Variants in ANK2 observed in about 807,000 individuals in gnomAD.
ANK2 encodes ankyrin 2.
Under a neutral mutation model 360.5 loss-of-function variants are expected in ANK2, and 83 were observed. The observed-to-expected ratio is 0.23, with a 90% confidence interval of 0.19 to 0.28. The LOEUF (loss-of-function observed/expected upper bound fraction) is 0.28. Ranked by LOEUF, ANK2 falls within the 10% of genes least tolerant of loss-of-function variation. The pLI is 1.00. For synonymous variants in ANK2, 1,740 were observed against 1,759.5 expected, an observed-to-expected ratio of 0.99 and a Z score of 0.28; for missense variants, 4,201 against 4,795.7, an observed-to-expected ratio of 0.88 and a Z score of 3.66.
At chr4:112,877,002 G>T (rs1183074223) in intron 1 of ANK2, among the ~76,000 whole-genome samples, 2 of 151,976 alleles carry the variant, frequency 1.3e-5, no homozygotes, top group Non-Finnish European at 2.9e-5. Context: ...CCCTTCCTCT[G>T]AGCAGATGAC....
chr4:112,762,940 A>G, the ANK2 span, among the ~76,000 whole-genome samples: 4 of 152,218 alleles, frequency 2.6e-5, no homozygotes, highest in Non-Finnish European at 5.9e-5. Context: ...TTTACTGTTA[A>G]AACCTTACGT....
At chr4:112,906,956 T>C (rs937356206) in intron 2 of ANK2, among the ~76,000 whole-genome samples, 2 of 152,230 alleles carry the variant, frequency 1.3e-5, no homozygotes, top group Non-Finnish European at 2.9e-5. Context: ...TAAGAAAGAT[T>C]TGACTCTTCT....
rs749476928 is a variant in ANK2 at position 113,365,142 on chromosome 4, T to C, written c.10992T>C (p.Tyr3664=). ...TCCAGGAGCGCATCAGTCATAGTTA[T>C]GCAGAAATTGAACAGACCATTACAC... ...EPLQERISHS[Y]AEIEQTITLD... The change falls in exon 41 of 46, where the codon TAT becomes TAC. Residue 3664 remains tyrosine (Y), a synonymous_variant. Coordinates refer to ENST00000357077, the MANE Select transcript of ANK2 (RefSeq NM_001148.6). The C allele has an allele frequency of 2.5e-5, 41 of 1,614,002 alleles. No homozygotes were observed. In the East Asian group the frequency reaches 3.3e-4, roughly 13 times the overall value.
At chr4:113,378,185 TGGGTTAGCATG>T (rs1223233106) in intron 45 of ANK2, 1 of 1,232,544 alleles carries the variant, frequency 8.1e-7, no homozygotes, top group African/African-American at 1.6e-5. Context: ...TTAAAAGGTT[TGGGTTAGCATG>T]GGGTGATGCT....
chr4:113,348,164 C>T, intron 35 of ANK2, 112 bp from the exon 36 acceptor site: 1 of 1,032,134 alleles, frequency 9.7e-7, no homozygotes, highest in Non-Finnish European at 1.5e-6. Flanking sequence ...TGTATGCTTG[C>T]CTGTTGATGC....
chr4:113,341,929 AAAT>A lies in ANK2; in HGVS notation c.4122+26_4122+28del, dbSNP rs770262538. Reference sequence around the variant, plus strand: ...CAGGGATGTGGAGGTACTGTACCAAAAATAATAATAATAATTTATGCCATGTTG... The same window carrying A: ...CAGGGATGTGGAGGTACTGTACCAAAAATAATAATAATTTATGCCATGTTG... On this transcript the variant is annotated intron_variant, in intron 33 of 45. Transcript: ENST00000357077. The A allele has an allele frequency of 1.2e-5, 18 of 1,555,824 alleles. No individual in the cohort carries two copies. Among genetic ancestry groups the A allele is most frequent in the Middle Eastern group, 1.7e-4 (1 of 5,958 alleles).
intron 2 of ANK2, among the ~76,000 whole-genome samples, chr4:113,004,464 A>G (rs1449181989): frequency 2.0e-5 from 3 of 152,126 alleles, no homozygotes; most frequent in African/African-American, 7.2e-5. Context: ...GATCATCAGC[A>G]TAGCTGCCTT....
At chr4:113,040,367 T>C (rs2154313004) in intron 2 of ANK2, among the ~76,000 whole-genome samples, 1 of 152,242 alleles carries the variant, frequency 6.6e-6, no homozygotes, top group East Asian at 1.9e-4. Context: ...ATGTTATGAT[T>C]TCCAAAAGTT....
chr4:112,754,549 A>G, the ANK2 span, among the ~76,000 whole-genome samples: 8 of 150,756 alleles, frequency 5.3e-5, no homozygotes, highest in African/African-American at 1.9e-4. Context: ...AAAACTTTTA[A>G]TGAGTTCCAG....
At chr4:113,226,125 T>G (rs989299294) in intron 4 of ANK2, among the ~76,000 whole-genome samples, 6 of 152,222 alleles carry the variant, frequency 3.9e-5, no homozygotes, top group African/African-American at 1.4e-4. Context: ...CTTCTTGGGA[T>G]TTAACAAAAA....
the ANK2 span, among the ~76,000 whole-genome samples, chr4:112,775,359 A>G: frequency 6.6e-6 from 1 of 152,024 alleles, no homozygotes; most frequent in Non-Finnish European, 1.5e-5. Flanking sequence ...CCTCTACTAA[A>G]AATACAAAAA....
chr4:113,247,989 A>G (rs2043959111), intron 9 of ANK2, among the ~76,000 whole-genome samples: 1 of 152,226 alleles, frequency 6.6e-6, no homozygotes, highest in Non-Finnish European at 1.5e-5. Flanking sequence ...CAACTCTTTA[A>G]GGCTCCTATC....
chr4:113,356,546 G>A lies in ANK2; in HGVS notation c.7928G>A (p.Gly2643Glu). 2 of 1,614,062 alleles carry A rather than the reference G, an allele frequency of 1.2e-6. No homozygotes were observed. The highest frequency in any genetic ancestry group is 1.7e-6 in the Non-Finnish European group (2 of 1,179,984). Residue 2643 changes from glycine to glutamate, a missense_variant, in exon 38 of 46, where the codon GGG becomes GAG. Gly to Glu is a moderately conservative substitution (Grantham distance 98). This residue lies in a region of ANK2 where 2,642 missense variants were observed against 2,714.5 expected (regional missense o/e 0.97). Transcript: ENST00000357077. ...GATGAACCAAAACATACAGGCAGTG[G>A]GGAGGATGAAAGTGGTGTCCCTGTG... is the stretch of plus-strand genomic sequence containing the variant. ...DVDEPKHTGSGEDESGVPVLV... is the reference protein window; with the variant it reads ...DVDEPKHTGSEEDESGVPVLV...
At chr4:113,162,628 AAAAC>A (rs959531372) in intron 1 of ANK2, among the ~76,000 whole-genome samples, 3 of 152,184 alleles carry the variant, frequency 2.0e-5, no homozygotes, top group South Asian at 2.1e-4. Flanking sequence ...ACAAGTTTGT[AAAAC>A]AAACAAACAA....
At chr4:113,069,251 C>T (rs978265126) in intron 1 of ANK2, among the ~76,000 whole-genome samples, 1 of 152,082 alleles carries the variant, frequency 6.6e-6, no homozygotes, top group Non-Finnish European at 1.5e-5. Context: ...AAGAGAAGAA[C>T]ATTTATGCCC....
At chr4:113,167,321 A>G (rs1051418639) in intron 1 of ANK2, among the ~76,000 whole-genome samples, 3 of 150,054 alleles carry the variant, frequency 2.0e-5, no homozygotes, top group African/African-American at 7.3e-5. Flanking sequence ...TTTTTTTGGA[A>G]ACAGAGTTTC....
chr4:113,104,687 C>CT (rs1246240274), intron 1 of ANK2, among the ~76,000 whole-genome samples: 3 of 152,100 alleles, frequency 2.0e-5, no homozygotes, highest in Non-Finnish European at 4.4e-5. Context: ...TGCACTCCAG[C>CT]TTTGGTGATA....
intron 1 of ANK2, chr4:113,145,967 C>T: frequency 7.8e-7 from 1 of 1,289,762 alleles, no homozygotes; most frequent in South Asian, 1.2e-5. Context: ...ACTACTATGG[C>T]TGTAACAGTG....
intron 20 of ANK2, 72 bp from the exon 21 acceptor site, chr4:113,292,344 A>G: frequency 7.5e-7 from 1 of 1,336,846 alleles, no homozygotes; most frequent in Non-Finnish European, 1.1e-6. Context: ...GACTATTCAA[A>G]ATGAAGGCTA....
Sources: gnomAD v4.1 joint callset for allele counts (sites outside exome capture counted in the v4.1 genomes callset) on GRCh38, gnomAD v4.1.1 for gene constraint, gnomAD v4.1.1 regional missense constraint, MANE v1.5 for transcripts, NCBI Gene and HGNC (gene_info 2026-07-23, HGNC 2026-07-21) for gene names.